The following VPS50 variants were observed in gnomAD, a reference collection of about 807,000 sequenced individuals.
The protein encoded by VPS50 is syndetin.
Under a neutral mutation model 139.7 loss-of-function variants are expected in VPS50, and 70 were observed. The ratio of observed to expected loss-of-function variants is 0.50; its 90% CI spans 0.41 to 0.61. The LOEUF (loss-of-function observed/expected upper bound fraction) is 0.61. Among genes scored for constraint, VPS50 ranks in the 20% least tolerant of loss-of-function variants. The pLI is 0.00. For synonymous variants in VPS50, 365 were observed against 376.7 expected (o/e 0.97, Z 0.36); for missense variants, 921 against 1,133.7 (o/e 0.81, Z 2.69).
chr7:93,252,053 T>G lies in VPS50; in HGVS notation c.103-600T>G, dbSNP rs1347885339. 2.0e-5 allele frequency among the ~76,000 whole-genome samples: 3 copies of G among 152,316 alleles called. No individual in the cohort carries two copies. In the East Asian group the frequency reaches 5.8e-4, roughly 29 times the overall value. The stretch of plus-strand genomic sequence containing the variant: ...TCTGTATCATTAGAAAGAAAGCATT[T>G]TATCATATAGAGAAGTTTAGCTTCA... On this transcript the variant is annotated intron_variant, in intron 2 of 27. Coordinates refer to ENST00000305866, the MANE Select transcript of VPS50 (RefSeq NM_017667.4).
At chr7:93,323,203 A>G (rs1314795137) in intron 20 of VPS50, 1 of 152,100 alleles carries the variant, frequency 6.6e-6, no homozygotes, top group African/African-American at 2.4e-5. Flanking sequence ...ATTTTCCTCT[A>G]TTAAACTTAC....
chr7:93,348,490 C>T (rs1482257440), intron 23 of VPS50, among the ~76,000 whole-genome samples: 2 of 152,194 alleles, frequency 1.3e-5, no homozygotes, highest in African/African-American at 4.8e-5. Flanking sequence ...AGTTGTTCTT[C>T]TTTCACCTCA....
At chr7:93,275,617 A>G (rs1398254545) in intron 11 of VPS50, among the ~76,000 whole-genome samples, 8 of 152,200 alleles carry the variant, frequency 5.3e-5, no homozygotes, top group Admixed American at 5.2e-4. Context: ...AACAGTGTAA[A>G]TGTAACTTTT....
In VPS50 at chr7:93,266,775, G is replaced by A. The variant is rs188237927; in HGVS notation, c.660-4445G>A. Among the ~76,000 whole-genome samples the A allele has an allele frequency of 4.6e-5, 7 of 152,246 alleles. No homozygotes were observed. The East Asian group carries it at 1.4e-3, about 29-fold the overall frequency. On this transcript the variant is annotated intron_variant, in intron 9 of 27. Transcript: ENST00000305866. ...ATTGATCAAAATGGATTGAATTCAT[G>A]TTTCTAAATGATGGCTAAGAGCTTC...
chr7:93,294,631 T>C lies in VPS50; in HGVS notation c.1162T>C (p.Trp388Arg). ...ATTAGAACATGGACTTACACGAATATGGCAGGTTTGGTTTTTTTAAAATTA... is the reference window on the plus strand; with the variant it reads ...ATTAGAACATGGACTTACACGAATACGGCAGGTTTGGTTTTTTTAAAATTA... ...KKLEHGLTRI[W>R]QDVQLKVKTY... The change falls in exon 14 of 28, where the codon TGG becomes CGG. Residue 388 changes from tryptophan (W) to arginine (R), a missense_variant. Transcript: ENST00000305866. 1 of 1,577,546 alleles carries C rather than the reference T, an allele frequency of 6.3e-7. No homozygotes were observed. The highest frequency in any genetic ancestry group is 8.6e-7 in the Non-Finnish European group (1 of 1,167,726).
chr7:93,286,204 T>A (rs926006815), intron 12 of VPS50, among the ~76,000 whole-genome samples: 4 of 152,178 alleles, frequency 2.6e-5, no homozygotes, highest in African/African-American at 9.6e-5. Flanking sequence ...CTTAAAAAAA[T>A]TTCAAGATAT....
intron 2 of VPS50, among the ~76,000 whole-genome samples, chr7:93,244,212 C>T (rs1244980604): frequency 6.6e-6 from 1 of 151,626 alleles, no homozygotes; most frequent in Admixed American, 6.6e-5. Context: ...TATTGAGTAC[C>T]TGCCTACTCT....
Position 93,353,911 on chromosome 7 carries a change from C to T in VPS50, c.2585+150C>T, listed in dbSNP as rs904855837. 3.8e-5 allele frequency: 23 copies of T among 603,776 alleles called. No homozygotes were observed. The Admixed American group carries it at 7.7e-4, about 20-fold the overall frequency. The allele number at this position is 603,776 out of a possible 1,614,324, so 37.4% of individuals were successfully genotyped here. A position where few individuals can be genotyped will look rare whatever the true frequency, so the allele number is the denominator to read the frequency against. On this transcript the variant is annotated intron_variant, in intron 26 of 27. Coordinates refer to ENST00000305866, the MANE Select transcript of VPS50 (RefSeq NM_017667.4). Reference sequence around the variant, plus strand: ...TATAATTAGAGAAGAAACCTTAGACCCCACTGTGTCTGTCTCTGTCTCTGC... The same window carrying T: ...TATAATTAGAGAAGAAACCTTAGACTCCACTGTGTCTGTCTCTGTCTCTGC...
chr7:93,331,783 G>A (rs1217717307), intron 21 of VPS50, among the ~76,000 whole-genome samples: 1 of 152,078 alleles, frequency 6.6e-6, no homozygotes, highest in Non-Finnish European at 1.5e-5. Flanking sequence ...GTAGAAATAC[G>A]AAAAGGCAAG....
chr7:93,259,676 T>G, intron 9 of VPS50, 44 bp downstream of exon 9: 1 of 956,622 alleles, frequency 1.0e-6, no homozygotes, highest in Non-Finnish European at 1.7e-6. Flanking sequence ...GTTGTCAGCT[T>G]CTTATGTAGC....
intron 25 of VPS50, among the ~76,000 whole-genome samples, chr7:93,351,407 T>C (rs1798554859): frequency 6.6e-6 from 1 of 152,190 alleles, no homozygotes; most frequent in South Asian, 2.1e-4. Flanking sequence ...GGTTCTATTT[T>C]TTATGACATG....
Position 93,359,189 on chromosome 7 carries a change from T to G in VPS50, c.*753T>G, listed in dbSNP as rs1798785615. On this transcript the variant is annotated 3_prime_UTR_variant, in exon 28 of 28. Coordinates refer to ENST00000305866, the MANE Select transcript of VPS50 (RefSeq NM_017667.4). ...AATGCCTGAGTAGCATACAGAATCA[T>G]GATTATGAGACTTTCTTTTATCTTT... The G allele has an allele frequency of 6.6e-6, 1 of 152,142 alleles. No individual in the cohort carries two copies. The highest frequency in any genetic ancestry group is 2.1e-4 in the South Asian group (1 of 4,832). 9.4% of individuals were successfully genotyped at this position (152,142 alleles called of 1,614,324 possible).
chr7:93,294,929 C>G (rs1273111366), intron 14 of VPS50, among the ~76,000 whole-genome samples: 1 of 151,768 alleles, frequency 6.6e-6, no homozygotes, highest in African/African-American at 2.4e-5. Flanking sequence ...TGTATGCTTT[C>G]TCAGTGAGAT....
At chr7:93,307,067 G>C (rs1797137442) in intron 18 of VPS50, among the ~76,000 whole-genome samples, 1 of 151,700 alleles carries the variant, frequency 6.6e-6, no homozygotes, top group Admixed American at 6.6e-5. Context: ...TTAAAACTTA[G>C]ATAGCATTTG....
intron 2 of VPS50, chr7:93,246,026 A>C (rs1795141014): frequency 2.4e-6 from 2 of 822,700 alleles, no homozygotes; most frequent in Non-Finnish European, 3.9e-6. Context: ...AATATTGAAA[A>C]CTTCATGTTT....
At chr7:93,279,083 A>G (rs929604472) in intron 12 of VPS50, among the ~76,000 whole-genome samples, 6 of 152,170 alleles carry the variant, frequency 3.9e-5, no homozygotes, top group Non-Finnish European at 1.5e-5. Context: ...TGTGATGCAT[A>G]TCAAGGTAAC....
At chr7:93,240,714 A>G (rs1057079525) in intron 2 of VPS50, among the ~76,000 whole-genome samples, 1 of 152,152 alleles carries the variant, frequency 6.6e-6, no homozygotes, top group African/African-American at 2.4e-5. Context: ...TTTCTGCATC[A>G]GGCATTTGAA....
chr7:93,356,017 A>C lies in VPS50; in HGVS notation c.2712A>C (p.Glu904Asp). 1 of 1,580,810 alleles carries C rather than the reference A, an allele frequency of 6.3e-7. No individual in the cohort carries two copies. The highest frequency in any genetic ancestry group is 8.7e-7 in the Non-Finnish European group (1 of 1,155,224). Residue 904 changes from glutamate (E) to aspartate (D), a missense_variant, in exon 27 of 28, where the codon GAA (glutamate) becomes GAC (aspartate). Around this residue, in one of 3 missense-constraint regions of VPS50, gnomAD observed 158 missense variants for 156.3 expected, o/e 1.01. Transcript: ENST00000305866. ...CCATTCCTGATAAAGAATTTGTAGA[A>C]ACTTATATTAAAGCTTATTACCTAA... is the stretch of plus-strand genomic sequence containing the variant. ...IRPIPDKEFVETYIKAYYLTE... is the reference protein window; with the variant it reads ...IRPIPDKEFVDTYIKAYYLTE...
chr7:93,254,789 G>C (rs951205314), intron 4 of VPS50, among the ~76,000 whole-genome samples: 4 of 152,174 alleles, frequency 2.6e-5, no homozygotes, highest in Non-Finnish European at 4.4e-5. Context: ...AAACTCTACT[G>C]TAGGGATTAA....
Sources: gnomAD v4.1 joint callset for allele counts (sites outside exome capture counted in the v4.1 genomes callset) on GRCh38, gnomAD v4.1.1 for gene constraint, gnomAD v4.1.1 regional missense constraint, MANE v1.5 for transcripts, NCBI Gene and HGNC (gene_info 2026-07-23, HGNC 2026-07-21) for gene names.